Variants in AKAP19 observed in about 807,000 individuals in gnomAD.
AKAP19 encodes the protein small A-kinase anchoring protein.
chr2:190,076,045 T>G, the AKAP19 span, among the ~76,000 whole-genome samples: 7 of 152,234 alleles, frequency 4.6e-5, no homozygotes, highest in Non-Finnish European at 7.3e-5. Flanking sequence ...GTGATTGCCA[T>G]CATACATTTT....
At chr2:190,079,333 T>A in the AKAP19 span, 1 of 152,326 alleles carries the variant, frequency 6.6e-6, no homozygotes, top group Admixed American at 6.5e-5. Context: ...AAGAGAGGAA[T>A]CAGAAAGCTA....
At chr2:190,074,072 C>T in the AKAP19 span, among the ~76,000 whole-genome samples, 1 of 151,234 alleles carries the variant, frequency 6.6e-6, no homozygotes, top group Admixed American at 6.6e-5. Context: ...TGCAGAATAT[C>T]TAGGCTCCAT....
At chr2:190,103,149 GA>G in the AKAP19 span, among the ~76,000 whole-genome samples, 3 of 151,978 alleles carry the variant, frequency 2.0e-5, no homozygotes, top group Admixed American at 6.6e-5. Context: ...ATCCTTTACT[GA>G]AAAAAACCCT....
At chr2:190,115,847 T>C in the AKAP19 span, among the ~76,000 whole-genome samples, 1 of 152,190 alleles carries the variant, frequency 6.6e-6, no homozygotes, top group Non-Finnish European at 1.5e-5. Flanking sequence ...TCCAGCTAGA[T>C]CCAGGCTCTA....
At chr2:189,984,544 G>A in the AKAP19 span, among the ~76,000 whole-genome samples, 2 of 152,104 alleles carry the variant, frequency 1.3e-5, no homozygotes, top group African/African-American at 2.4e-5. Context: ...AATTTGTGCA[G>A]TTAATGCAAT....
the AKAP19 span, among the ~76,000 whole-genome samples, chr2:189,974,392 C>A: frequency 0.034 from 5,204 of 152,232 alleles, 283 homozygotes; most frequent in African/African-American, 0.11. Flanking sequence ...GAGTGCTTTA[C>A]TTCCAACTAT....
the AKAP19 span, chr2:190,057,384 A>G: frequency 6.2e-7 from 1 of 1,613,604 alleles, no homozygotes; most frequent in Non-Finnish European, 8.5e-7. Flanking sequence ...GGCCTGCTGA[A>G]CCTCTGGGGT....
At chr2:190,133,613 A>T in the AKAP19 span, among the ~76,000 whole-genome samples, 5 of 152,224 alleles carry the variant, frequency 3.3e-5, no homozygotes, top group East Asian at 9.6e-4. Context: ...CAAGATATGG[A>T]TTCAACCTAA....
chr2:189,922,637 G>C, the AKAP19 span, among the ~76,000 whole-genome samples: 3 of 152,172 alleles, frequency 2.0e-5, no homozygotes, highest in Non-Finnish European at 2.9e-5. Flanking sequence ...TCCCAGCTGA[G>C]GTTGAACAAG....
At chr2:190,149,769 T>C in the AKAP19 span, among the ~76,000 whole-genome samples, 1 of 152,206 alleles carries the variant, frequency 6.6e-6, no homozygotes, top group African/African-American at 2.4e-5. Flanking sequence ...TTCCATGCAC[T>C]GTTGAATAGA....
At chr2:190,086,147 C>T in the AKAP19 span, among the ~76,000 whole-genome samples, 4,190 of 152,244 alleles carry the variant, frequency 0.028, 207 homozygotes, top group African/African-American at 0.095. Flanking sequence ...AAGCACATTG[C>T]GGATGTTAAC....
chr2:190,010,115 A>C, the AKAP19 span, among the ~76,000 whole-genome samples: 1 of 152,230 alleles, frequency 6.6e-6, no homozygotes, highest in Non-Finnish European at 1.5e-5. Context: ...GAAATAAAAC[A>C]AAACAAAAAT....
At chr2:189,910,843 T>G in the AKAP19 span, among the ~76,000 whole-genome samples, 1 of 152,056 alleles carries the variant, frequency 6.6e-6, no homozygotes, top group Non-Finnish European at 1.5e-5. Context: ...AACTTATTAC[T>G]TATACTAGAG....
the AKAP19 span, among the ~76,000 whole-genome samples, chr2:190,105,803 A>G: frequency 3.9e-5 from 6 of 152,200 alleles, no homozygotes; most frequent in African/African-American, 1.4e-4. Flanking sequence ...ACTCTGCCCT[A>G]GCACTGATCA....
At chr2:190,172,620 G>A in the AKAP19 span, among the ~76,000 whole-genome samples, 45 of 152,082 alleles carry the variant, frequency 3.0e-4, no homozygotes, top group African/African-American at 9.9e-4. Context: ...CCAGAACTAG[G>A]GCCAGATTTA....
the AKAP19 span, among the ~76,000 whole-genome samples, chr2:190,146,047 T>C: frequency 6.6e-6 from 1 of 151,938 alleles, no homozygotes; most frequent in Non-Finnish European, 1.5e-5. Flanking sequence ...AGCTGGTATT[T>C]GGTTACATGA....
At chr2:190,093,827 T>A in the AKAP19 span, among the ~76,000 whole-genome samples, 1 of 152,220 alleles carries the variant, frequency 6.6e-6, no homozygotes, top group African/African-American at 2.4e-5. Flanking sequence ...ACTTTGGGAA[T>A]TTCTTGCCTT....
the AKAP19 span, among the ~76,000 whole-genome samples, chr2:189,953,131 C>G: frequency 2.0e-5 from 3 of 152,020 alleles, no homozygotes; most frequent in Non-Finnish European, 2.9e-5. Context: ...TGTTCAGGGC[C>G]CACTTACAAG....
chr2:189,885,529 C>T, the AKAP19 span, among the ~76,000 whole-genome samples: 17 of 152,294 alleles, frequency 1.1e-4, no homozygotes, highest in East Asian at 3.3e-3. Context: ...GAGAACCACC[C>T]AGCTGAGCTC....
Sources: gnomAD v4.1 joint callset for allele counts (sites outside exome capture counted in the v4.1 genomes callset) on GRCh38, gnomAD v4.1.1 for gene constraint, MANE v1.5 for transcripts, NCBI Gene and HGNC (gene_info 2026-07-23, HGNC 2026-07-21) for gene names.